Variants in FAM163A observed in about 807,000 individuals in gnomAD.
FAM163A encodes protein FAM163A.
In FAM163A, 7 loss-of-function variants were observed where a neutral mutation model predicts 12.0. That is an observed-to-expected ratio of 0.58 (90% CI 0.33 to 1.10). FAM163A has a LOEUF of 1.10. Ranked by LOEUF, FAM163A falls within the 50% of genes least tolerant of loss-of-function variation. The probability of loss-of-function intolerance (pLI) is 0.03; values close to 1 mark genes in which losing one functional copy is unlikely to be tolerated. For missense variants in FAM163A, 202 were observed against 218.6 expected (o/e 0.92, Z 0.48); for synonymous variants, 101 against 91.0 (o/e 1.11, Z -0.62).
intron 1 of FAM163A, among the ~76,000 whole-genome samples, chr1:179,753,739 A>G (rs901151543): frequency 6.6e-6 from 1 of 152,184 alleles, no homozygotes; most frequent in Non-Finnish European, 1.5e-5. Flanking sequence ...GCGAGGCAGG[A>G]TGGAGGAAGA....
At chr1:179,742,830 C>G (rs1175958238), upstream of FAM163A, 2 of 151,982 alleles carry the variant, frequency 1.3e-5, no homozygotes, top group African/African-American at 4.9e-5. Context: ...CCACGAGGCC[C>G]GGGTACCCCT....
intron 4 of FAM163A, 117 bp downstream of exon 4, chr1:179,813,307 T>G: frequency 9.8e-7 from 1 of 1,016,362 alleles, no homozygotes; most frequent in South Asian, 1.4e-5. Flanking sequence ...AGCTATGGAA[T>G]GTAGCAGGCG....
At chr1:179,786,617 T>C (rs1690671222) in intron 1 of FAM163A, among the ~76,000 whole-genome samples, 1 of 152,204 alleles carries the variant, frequency 6.6e-6, no homozygotes, top group Non-Finnish European at 1.5e-5. Flanking sequence ...ATTGTGCCCA[T>C]TGAATCCTCA....
At chr1:179,789,027 G>C (rs1352937405) in intron 1 of FAM163A, among the ~76,000 whole-genome samples, 1 of 152,220 alleles carries the variant, frequency 6.6e-6, no homozygotes, top group Non-Finnish European at 1.5e-5. Context: ...CATGGAGCAG[G>C]CCTCCCAGTG....
chr1:179,729,759 G>A, the FAM163A span, among the ~76,000 whole-genome samples: 6 of 152,172 alleles, frequency 3.9e-5, no homozygotes, highest in East Asian at 1.9e-4. Flanking sequence ...ATACCACAGC[G>A]AAGTTTACTT....
chr1:179,755,682 T>C (rs1204817880), intron 1 of FAM163A, among the ~76,000 whole-genome samples: 1 of 152,196 alleles, frequency 6.6e-6, no homozygotes, highest in Non-Finnish European at 1.5e-5. Flanking sequence ...TGTTTCTTCT[T>C]ATTTCCCAGG....
chr1:179,774,989 A>G (rs2148137164), intron 1 of FAM163A, among the ~76,000 whole-genome samples: 1 of 152,312 alleles, frequency 6.6e-6, no homozygotes, highest in South Asian at 2.1e-4. Context: ...CGGCAAAGCA[A>G]GGAAAGAATG....
At chr1:179,735,446 T>C in the FAM163A span, among the ~76,000 whole-genome samples, 1 of 149,884 alleles carries the variant, frequency 6.7e-6, no homozygotes, top group East Asian at 2.0e-4. Context: ...GGTATGGATG[T>C]TGCTAAACCA....
chr1:179,787,121 G>A (rs963668265), intron 1 of FAM163A, among the ~76,000 whole-genome samples: 5 of 152,176 alleles, frequency 3.3e-5, no homozygotes, highest in East Asian at 1.9e-4. Flanking sequence ...AGATTATTTC[G>A]AAAACATTAA....
intron 1 of FAM163A, among the ~76,000 whole-genome samples, chr1:179,795,344 T>C (rs969776960): frequency 5.9e-5 from 9 of 152,196 alleles, no homozygotes; most frequent in African/African-American, 1.9e-4. Flanking sequence ...CAAAAGTTCA[T>C]GTGCTGGAAA....
At chr1:179,748,139 G>C (rs1245502069) in intron 1 of FAM163A, among the ~76,000 whole-genome samples, 1 of 152,128 alleles carries the variant, frequency 6.6e-6, no homozygotes, top group Non-Finnish European at 1.5e-5. Flanking sequence ...TCTGTTGTTT[G>C]GAAAAAACAG....
chr1:179,814,333 AT>A lies in FAM163A; in HGVS notation c.*147del. On this transcript the variant is annotated 3_prime_UTR_variant, in exon 5 of 5. Transcript: ENST00000341785. ...GCTCCGCAGTGGAGGGTTTACTAGG[AT>A]TTAAGCTTTTGAGTGCATTGAGAAC... 1 of 1,161,578 alleles carries A rather than the reference AT, an allele frequency of 8.6e-7. No homozygotes were observed. Among genetic ancestry groups the A allele is most frequent in the Non-Finnish European group, 1.2e-6 (1 of 851,722 alleles). 72.0% of individuals were successfully genotyped at this position (1,161,578 alleles called of 1,614,324 possible).
At chr1:179,807,933 T>A (rs1694181167) in intron 2 of FAM163A, 45 bp downstream of exon 2, 1 of 152,360 alleles carries the variant, frequency 6.6e-6, no homozygotes. Flanking sequence ...TGGGAGAGGG[T>A]GTCTGGGCCA....
intron 1 of FAM163A, among the ~76,000 whole-genome samples, chr1:179,784,570 C>A (rs1330794629): frequency 1.3e-5 from 2 of 152,154 alleles, no homozygotes; most frequent in African/African-American, 4.8e-5. Flanking sequence ...TCCAGCATTG[C>A]CCTATATACA....
At chr1:179,757,197 GTTTT>G (rs1466709775) in intron 1 of FAM163A, among the ~76,000 whole-genome samples, 1 of 152,156 alleles carries the variant, frequency 6.6e-6, no homozygotes, top group African/African-American at 2.4e-5. Context: ...GCAATGGGTT[GTTTT>G]TTAAGAGTAG....
chr1:179,750,424 C>G (rs1172627980), intron 1 of FAM163A, among the ~76,000 whole-genome samples: 2 of 152,106 alleles, frequency 1.3e-5, no homozygotes, highest in Admixed American at 6.5e-5. Flanking sequence ...TGGAAGTCAT[C>G]CTGAGGAAGT....
At chr1:179,765,032 T>C (rs1687301266) in intron 1 of FAM163A, among the ~76,000 whole-genome samples, 1 of 152,242 alleles carries the variant, frequency 6.6e-6, no homozygotes, top group Non-Finnish European at 1.5e-5. Flanking sequence ...ACTGATGGGC[T>C]GCCTCCTTAG....
In FAM163A at chr1:179,814,321, G is replaced by C; in HGVS notation, c.*132G>C. On this transcript the variant is annotated 3_prime_UTR_variant, in exon 5 of 5. Transcript: ENST00000341785. ...TTGGCTTTTCTCGCTCCGCAGTGGA[G>C]GGTTTACTAGGATTTAAGCTTTTGA... 2.5e-6 allele frequency: 3 copies of C among 1,215,862 alleles called. No homozygotes were observed. Among genetic ancestry groups the C allele is most frequent in the Non-Finnish European group, 3.4e-6 (3 of 894,248 alleles). The allele number at this position is 1,215,862 out of a possible 1,614,324, so 75.3% of individuals were successfully genotyped here.
chr1:179,761,070 T>C (rs759349685), intron 1 of FAM163A, among the ~76,000 whole-genome samples: 17 of 151,998 alleles, frequency 1.1e-4, no homozygotes, highest in Middle Eastern at 3.4e-3. Flanking sequence ...AGCAAACCAG[T>C]AGCCATTTAA....
Sources: gnomAD v4.1 joint callset for allele counts (sites outside exome capture counted in the v4.1 genomes callset) on GRCh38, gnomAD v4.1.1 for gene constraint, MANE v1.5 for transcripts, NCBI Gene and HGNC (gene_info 2026-07-23, HGNC 2026-07-21) for gene names.